The following TTC23 variants were observed in gnomAD, a reference collection of about 807,000 sequenced individuals.
TTC23 encodes tetratricopeptide repeat protein 23.
Under a neutral mutation model 55.1 loss-of-function variants are expected in TTC23, and 58 were observed. The ratio of observed to expected loss-of-function variants is 1.05; its 90% CI spans 0.85 to 1.31. The LOEUF (loss-of-function observed/expected upper bound fraction) is 1.31, where lower values mean the gene tolerates loss of function less well. Among genes scored for constraint, TTC23 ranks in the 50% most tolerant of loss-of-function variants. The pLI, the probability that TTC23 is intolerant of heterozygous loss-of-function variation, is 0.00. For missense variants in TTC23, 516 were observed against 534.4 expected, an observed-to-expected ratio of 0.97 and a Z score of 0.34; for synonymous variants, 203 against 199.9, an observed-to-expected ratio of 1.02 and a Z score of -0.13.
chr15:99,194,239 T>A (rs1389601709), intron 9 of TTC23, among the ~76,000 whole-genome samples: 3 of 152,132 alleles, frequency 2.0e-5, no homozygotes, highest in Non-Finnish European at 4.4e-5. Flanking sequence ...ATTTTGTGGA[T>A]ATTGACAAAC....
intron 4 of TTC23, among the ~76,000 whole-genome samples, chr15:99,233,919 T>C (rs559176939): frequency 1.3e-5 from 2 of 152,162 alleles, no homozygotes; most frequent in Admixed American, 1.3e-4. Flanking sequence ...GCAAAACCAA[T>C]TCCTTGGAGA....
chr15:99,240,704 C>T (rs1483497123), intron 3 of TTC23, among the ~76,000 whole-genome samples: 1 of 152,214 alleles, frequency 6.6e-6, no homozygotes, highest in African/African-American at 2.4e-5. Flanking sequence ...ATCCATTTCT[C>T]TCTTTCAAAG....
At chr15:99,172,989 T>C (rs1247809712) in intron 10 of TTC23, among the ~76,000 whole-genome samples, 3 of 152,236 alleles carry the variant, frequency 2.0e-5, no homozygotes, top group Admixed American at 1.3e-4. Flanking sequence ...GGGCACAGAT[T>C]CACTAGGTCC....
intron 9 of TTC23, among the ~76,000 whole-genome samples, chr15:99,194,668 GC>G (rs1162599221): frequency 2.6e-5 from 4 of 152,252 alleles, no homozygotes; most frequent in African/African-American, 9.6e-5. Context: ...GAGCGCAGTG[GC>G]TCACACCTAT....
chr15:99,190,215 G>C (rs1313237847), intron 9 of TTC23, among the ~76,000 whole-genome samples: 1 of 146,564 alleles, frequency 6.8e-6, no homozygotes, highest in Non-Finnish European at 1.5e-5. Flanking sequence ...GAAAATTCCT[G>C]GCTTTGATAG....
At position 99,218,707 on chromosome 15, in the gene TTC23, C is replaced by T; in HGVS notation, c.462G>A (p.Lys154=). The change falls in exon 8 of 14, where the codon AAG becomes AAA. Residue 154 remains lysine (K), a synonymous_variant. Coordinates refer to ENST00000394132, the MANE Select transcript of TTC23 (RefSeq NM_001288615.3). ...CTTTTGTCAAATTCTCTGCAGCTTC[C>T]TTAAATCTGAATTGTGTTCAGGAAA... ...GRALLSLQKF[K]EAAENLTKAE... 1 of 1,614,016 alleles carries T rather than the reference C, an allele frequency of 6.2e-7. No individual in the cohort carries two copies. The highest frequency in any genetic ancestry group is 8.5e-7 in the Non-Finnish European group (1 of 1,180,016).
chr15:99,218,749 A>G (rs762886940), intron 7 of TTC23, 36 bp from the exon 8 acceptor site: 5 of 1,613,132 alleles, frequency 3.1e-6, no homozygotes, highest in Non-Finnish European at 4.2e-6. Context: ...ACTTGGTTCT[A>G]GATTCTACAC....
At chr15:99,202,171 A>T (rs1217075308) in intron 8 of TTC23, among the ~76,000 whole-genome samples, 3 of 151,878 alleles carry the variant, frequency 2.0e-5, no homozygotes, top group South Asian at 4.2e-4. Flanking sequence ...AAGTTTGCTG[A>T]CCTCTGGTCT....
intron 2 of TTC23, among the ~76,000 whole-genome samples, chr15:99,244,808 C>T (rs962921663): frequency 3.9e-5 from 6 of 151,964 alleles, no homozygotes; most frequent in South Asian, 4.2e-4. Flanking sequence ...GATGGAAATA[C>T]GAGACTAAGA....
At chr15:99,218,389 G>A (rs745516966) in intron 8 of TTC23, among the ~76,000 whole-genome samples, 199 bp downstream of exon 8, 1 of 152,194 alleles carries the variant, frequency 6.6e-6, no homozygotes, top group Non-Finnish European at 1.5e-5. Context: ...GCACTCCACA[G>A]AGAGTGAAAA....
At position 99,177,554 on chromosome 15, in the gene TTC23, A is replaced by G. The variant is rs559503106; in HGVS notation, c.760-2399T>C. 5.3e-5 allele frequency among the ~76,000 whole-genome samples: 8 copies of G among 152,342 alleles called. No homozygotes were observed. In the East Asian group the frequency reaches 1.5e-3, roughly 29 times the overall value. On this transcript the variant is annotated intron_variant, in intron 9 of 13. Coordinates refer to ENST00000394132, the MANE Select transcript of TTC23 (RefSeq NM_001288615.3). ...TACCCACACCCTCCGAAAAAATACC[A>G]AATGCAAATTGAGCCATGTTTACTT...
At chr15:99,139,019 A>T in intron 13 of TTC23, 1 of 443,224 alleles carries the variant, frequency 2.3e-6, no homozygotes, top group Non-Finnish European at 4.2e-6. Context: ...GCAGGAGGCC[A>T]CAGGGATTCC....
At chr15:99,204,944 G>A (rs2076501400) in intron 8 of TTC23, among the ~76,000 whole-genome samples, 1 of 152,078 alleles carries the variant, frequency 6.6e-6, no homozygotes, top group African/African-American at 2.4e-5. Flanking sequence ...CCAGATTTAA[G>A]TCTTTAATGA....
chr15:99,162,999 T>TCAC, intron 10 of TTC23, among the ~76,000 whole-genome samples: 1 of 151,882 alleles, frequency 6.6e-6, no homozygotes, highest in Non-Finnish European at 1.5e-5. Flanking sequence ...GGGAGGACTG[T>TCAC]TTGAGCCCAG....
At chr15:99,237,845 C>CAT (rs1015978809) in intron 3 of TTC23, among the ~76,000 whole-genome samples, 1 of 152,176 alleles carries the variant, frequency 6.6e-6, no homozygotes, top group Non-Finnish European at 1.5e-5. Context: ...TGCTAAAAAT[C>CAT]ATATATATAG....
chr15:99,195,876 AAAAAAAG>A (rs1052036898), intron 9 of TTC23, among the ~76,000 whole-genome samples: 2 of 151,952 alleles, frequency 1.3e-5, no homozygotes, highest in African/African-American at 4.8e-5. Flanking sequence ...CTAAAAAAAA[AAAAAAAG>A]AAAAGAAAAG....
intron 13 of TTC23, 72 bp downstream of exon 13, chr15:99,139,245 G>A (rs1567300573): frequency 8.3e-6 from 13 of 1,568,304 alleles, no homozygotes; most frequent in Middle Eastern, 3.3e-4. Context: ...GAACCTTCTA[G>A]AACCAGCTTT....
chr15:99,238,382 A>G (rs2079496575), intron 3 of TTC23, among the ~76,000 whole-genome samples: 1 of 152,210 alleles, frequency 6.6e-6, no homozygotes, highest in African/African-American at 2.4e-5. Context: ...AAAATGGAGC[A>G]GGAAAAAAGA....
At chr15:99,157,438 C>T (rs2070765213) in intron 11 of TTC23, 1 of 152,140 alleles carries the variant, frequency 6.6e-6, no homozygotes, top group African/African-American at 2.4e-5. Context: ...TCTTGAACTC[C>T]TGACCTCAAG....
Sources: gnomAD v4.1 joint callset for allele counts (sites outside exome capture counted in the v4.1 genomes callset) on GRCh38, gnomAD v4.1.1 for gene constraint, MANE v1.5 for transcripts, NCBI Gene and HGNC (gene_info 2026-07-23, HGNC 2026-07-21) for gene names.